The following CTNNA3 variants were observed in gnomAD, a reference collection of about 807,000 sequenced individuals.
CTNNA3 encodes the protein catenin alpha-3.
Under a neutral mutation model 95.7 loss-of-function variants are expected in CTNNA3, and 76 were observed. That is an observed-to-expected ratio of 0.79 (90% confidence interval 0.66 to 0.96). The LOEUF (loss-of-function observed/expected upper bound fraction) is 0.96. CTNNA3 is among the 40% of genes least tolerant of loss of function. CTNNA3 has a pLI of 0.00. For synonymous variants in CTNNA3, 431 were observed against 374.4 expected (o/e 1.15, Z -1.74); for missense variants, 1,191 against 1,089.8 (o/e 1.09, Z -1.31).
intron 13 of CTNNA3, among the ~76,000 whole-genome samples, chr10:66,132,736 A>T (rs1420476023): frequency 2.6e-5 from 4 of 152,216 alleles, no homozygotes; most frequent in African/African-American, 9.7e-5. Context: ...GAATGAGATC[A>T]TGTCTTTTAC....
At chr10:66,996,966 T>C (rs1851390301) in intron 7 of CTNNA3, among the ~76,000 whole-genome samples, 1 of 152,114 alleles carries the variant, frequency 6.6e-6, no homozygotes, top group Non-Finnish European at 1.5e-5. Flanking sequence ...TAATATTTTA[T>C]CTTGGATTAA....
chr10:67,287,770 G>A lies in CTNNA3; in HGVS notation c.580-67900C>T, dbSNP rs141985250. On this transcript the variant is annotated intron_variant, in intron 5 of 17. Transcript: ENST00000433211. The stretch of plus-strand genomic sequence containing the variant: ...TTAGAACACCAGCATTTGATATTGT[G>A]TTCAAAGATTGCAGAAAAACATGTA... 1.4e-4 allele frequency among the ~76,000 whole-genome samples: 21 copies of A among 152,234 alleles called. No individual in the cohort carries two copies. In the East Asian group the frequency reaches 4.1e-3, roughly 29 times the overall value.
chr10:67,719,757 TGAG>T (rs1841167020), intron 1 of CTNNA3, among the ~76,000 whole-genome samples: 1 of 152,188 alleles, frequency 6.6e-6, no homozygotes, highest in Non-Finnish European at 1.5e-5. Context: ...TATGTGGTGC[TGAG>T]AAGAATGTAT....
chr10:67,299,363 C>T (rs1166804244), intron 5 of CTNNA3, among the ~76,000 whole-genome samples: 1 of 152,086 alleles, frequency 6.6e-6, no homozygotes, highest in African/African-American at 2.4e-5. Flanking sequence ...TATTCTGAGA[C>T]TAAGAAATGC....
rs533529650 is a variant in CTNNA3 at position 66,407,603 on chromosome 10, C to CA, written c.1532-28252dup. The stretch of plus-strand genomic sequence containing the variant: ...TTTTACATATTTTTTTTTTTTGAGA[C>CA]AGAGTCTCGCTCTGTCACCCGGGCT... On this transcript the variant is annotated intron_variant, in intron 11 of 17. Coordinates refer to ENST00000433211, the MANE Select transcript of CTNNA3 (RefSeq NM_013266.4). Among the ~76,000 whole-genome samples, 506 of 148,762 alleles carry CA rather than the reference C, an allele frequency of 3.4e-3. 2 individuals carry two copies. The highest frequency in any genetic ancestry group is 0.012 in the African/African-American group (486 of 39,440).
chr10:67,446,556 GA>G (rs1417171352), intron 5 of CTNNA3, among the ~76,000 whole-genome samples: 18 of 152,054 alleles, frequency 1.2e-4, no homozygotes, highest in Admixed American at 1.2e-3. Context: ...TTGAAAATAA[GA>G]GACCCTCCTC....
intron 15 of CTNNA3, among the ~76,000 whole-genome samples, chr10:66,022,290 A>G (rs763395510): frequency 2.6e-5 from 4 of 152,114 alleles, no homozygotes; most frequent in Non-Finnish European, 5.9e-5. Context: ...AAATAGCAAA[A>G]TCTCCAGTAG....
rs1351591371 is a variant in CTNNA3, at chr10:66,925,890, A to T, written c.1048-150366T>A. ...TGATCACGGTGACCATTCAGTTCCT[A>T]CTGAGCCACCCAAAAGAATCATTCA... On this transcript the variant is annotated intron_variant, in intron 7 of 17. Coordinates refer to ENST00000433211, the MANE Select transcript of CTNNA3 (RefSeq NM_013266.4). 3 of 398,548 alleles carry T rather than the reference A, an allele frequency of 7.5e-6. No homozygotes were observed. The Admixed American group carries it at 8.1e-5, about 11-fold the overall frequency. 24.7% of individuals were successfully genotyped at this position (398,548 alleles called of 1,614,324 possible). A position where few individuals can be genotyped will look rare whatever the true frequency, so the allele number is the denominator to read the frequency against.
chr10:67,494,882 G>A (rs1222608854), intron 5 of CTNNA3, among the ~76,000 whole-genome samples: 1 of 152,130 alleles, frequency 6.6e-6, no homozygotes, highest in Non-Finnish European at 1.5e-5. Context: ...CACTGGCTCA[G>A]GGCACCAAAG....
Position 66,337,329 on chromosome 10 carries a change from A to G in CTNNA3, c.1732+41823T>C, listed in dbSNP as rs968293532. ...AGTCTTAGAATTACTACTTTTAAGC[A>G]TCTCAAACGGATAAGTACAGATACA... On this transcript the variant is annotated intron_variant, in intron 12 of 17. Transcript: ENST00000433211. 4.6e-5 allele frequency among the ~76,000 whole-genome samples: 7 copies of G among 152,164 alleles called. No individual in the cohort carries two copies. The East Asian group carries it at 9.6e-4, about 21-fold the overall frequency.
chr10:66,009,808 C>T lies in CTNNA3; in HGVS notation c.2160-21011G>A, dbSNP rs566032572. ...TGTTGAAGGCATGGTCCATGGCTGA[C>T]TCATGCTCGGTTTTCCCAGAGAATC... On this transcript the variant is annotated intron_variant, in intron 15 of 17. Transcript: ENST00000433211. Among the ~76,000 whole-genome samples, 114 of 152,330 alleles carry T rather than the reference C, an allele frequency of 7.5e-4. 1 individual carries two copies. Among genetic ancestry groups the T allele is most frequent in the Admixed American group, 6.1e-3 (94 of 15,302 alleles).
chr10:67,004,205 C>T (rs1287263374), intron 7 of CTNNA3, among the ~76,000 whole-genome samples: 3 of 151,890 alleles, frequency 2.0e-5, no homozygotes, highest in African/African-American at 7.3e-5. Context: ...GAGAAGAAGG[C>T]CTGAATTTTG....
rs1425009459 is a variant in CTNNA3 at position 66,462,681 on chromosome 10, CA to C, written c.1531+57935del. ...ATGTTAAGCATCTTACAATCTTACA[CA>C]AATTATTTCATTTCATTGTCAAAAC... is the stretch of plus-strand genomic sequence containing the variant. On this transcript the variant is annotated intron_variant, in intron 11 of 17. Coordinates refer to ENST00000433211, the MANE Select transcript of CTNNA3 (RefSeq NM_013266.4). 4.6e-5 allele frequency among the ~76,000 whole-genome samples: 7 copies of C among 152,106 alleles called. No homozygotes were observed. In the South Asian group the frequency reaches 1.5e-3, roughly 32 times the overall value.
Position 66,954,624 on chromosome 10 carries a change from G to T in CTNNA3, c.1048-179100C>A, listed in dbSNP as rs565187392. On this transcript the variant is annotated intron_variant, in intron 7 of 17. Coordinates refer to ENST00000433211, the MANE Select transcript of CTNNA3 (RefSeq NM_013266.4). ...GTCAAATTGTTAACAGAAGGAAAATGAGGTTTAAAGTCCATTGAAAATTAT... is the reference window on the plus strand; with the variant it reads ...GTCAAATTGTTAACAGAAGGAAAATTAGGTTTAAAGTCCATTGAAAATTAT... Among the ~76,000 whole-genome samples the T allele has an allele frequency of 7.9e-5, 12 of 152,274 alleles. No homozygotes were observed. The East Asian group carries it at 2.1e-3, about 27-fold the overall frequency.
chr10:65,971,033 C>A (rs976938410), intron 16 of CTNNA3, among the ~76,000 whole-genome samples: 5 of 149,766 alleles, frequency 3.3e-5, no homozygotes, highest in African/African-American at 1.2e-4. Context: ...ATCTTCATAG[C>A]AATGTGAAAA....
intron 15 of CTNNA3, among the ~76,000 whole-genome samples, chr10:66,014,050 C>T (rs1165126395): frequency 6.6e-6 from 1 of 152,054 alleles, no homozygotes; most frequent in Non-Finnish European, 1.5e-5. Flanking sequence ...TAAAAGTCTT[C>T]TACAGGCCAA....
chr10:67,149,563 C>T (rs542669421), intron 7 of CTNNA3, among the ~76,000 whole-genome samples: 5 of 152,168 alleles, frequency 3.3e-5, no homozygotes, highest in Admixed American at 1.3e-4. Context: ...CCAGCCTGGG[C>T]AACAGAGATA....
intron 2 of CTNNA3, among the ~76,000 whole-genome samples, chr10:67,636,345 A>G (rs1291440843): frequency 2.0e-5 from 3 of 152,238 alleles, no homozygotes; most frequent in Non-Finnish European, 4.4e-5. Context: ...GAACCAAAAA[A>G]CAGCTCAAAT....
At position 67,501,336 on chromosome 10, in the gene CTNNA3, T is replaced by A. The variant is rs573461249; in HGVS notation, c.579+20506A>T. 5.1e-4 allele frequency among the ~76,000 whole-genome samples: 78 copies of A among 152,356 alleles called. 1 individual carries two copies. The South Asian group carries it at 7.5e-3, about 15-fold the overall frequency. ...AGGGTTTCTGCAGAGAGATCCACTG[T>A]TAGTCTGATGGGCTTCCCTTTGCGG... On this transcript the variant is annotated intron_variant, in intron 5 of 17. Transcript: ENST00000433211.
Sources: gnomAD v4.1 joint callset for allele counts (sites outside exome capture counted in the v4.1 genomes callset) on GRCh38, gnomAD v4.1.1 for gene constraint, MANE v1.5 for transcripts, NCBI Gene and HGNC (gene_info 2026-07-23, HGNC 2026-07-21) for gene names.